BBS12: variants seen among roughly 807,000 people sequenced by gnomAD.
The protein encoded by BBS12 is chaperonin-containing T-complex member BBS12.
A neutral mutation model predicts 5.6 loss-of-function variants in BBS12; 5 were observed. The observed-to-expected ratio is 0.89, with a 90% CI of 0.46 to 1.86. The LOEUF (loss-of-function observed/expected upper bound fraction) is 1.86. Among genes scored for constraint, BBS12 ranks in the 40% most tolerant of loss-of-function variants. The pLI is 0.01. For synonymous variants in BBS12, 308 were observed against 306.8 expected (o/e 1.00, Z -0.04); for missense variants, 748 against 830.4 (o/e 0.90, Z 1.22).
chr4:122,720,443 T>G, the BBS12 span, among the ~76,000 whole-genome samples: 2 of 152,130 alleles, frequency 1.3e-5, no homozygotes, highest in African/African-American at 2.4e-5. Context: ...AGAGCGAGAC[T>G]CTATCTCAAA....
upstream of BBS12, chr4:122,728,963 C>T (rs1441143842): frequency 1.3e-5 from 2 of 152,216 alleles, no homozygotes; most frequent in African/African-American, 4.8e-5. Context: ...GTTTCAAAGT[C>T]GCCAAGGAAA....
chr4:122,728,329 TAC>T (rs1213581382), upstream of BBS12, among the ~76,000 whole-genome samples: 2 of 152,216 alleles, frequency 1.3e-5, no homozygotes, highest in Non-Finnish European at 2.9e-5. Context: ...TGGAATATTA[TAC>T]AGATATTTTA....
At chr4:122,738,128 A>G (rs1034055376) in intron 1 of BBS12, among the ~76,000 whole-genome samples, 2 of 152,272 alleles carry the variant, frequency 1.3e-5, no homozygotes, top group Non-Finnish European at 2.9e-5. Context: ...ATTTTTAGAT[A>G]TGGCACAAAT....
chr4:122,728,598 A>C (rs1800656367), upstream of BBS12: 1 of 152,214 alleles, frequency 6.6e-6, no homozygotes, highest in Admixed American at 6.5e-5. Context: ...TTGAAGGCTA[A>C]CATTTTCACA....
the BBS12 span, among the ~76,000 whole-genome samples, chr4:122,710,053 T>C: frequency 2.0e-5 from 3 of 152,226 alleles, no homozygotes; most frequent in African/African-American, 7.2e-5. Context: ...CAGCTTGATA[T>C]ATAAAAGTGC....
the BBS12 span, among the ~76,000 whole-genome samples, chr4:122,719,596 C>T: frequency 8.3e-3 from 1,268 of 152,218 alleles, 16 homozygotes; most frequent in African/African-American, 0.029. Flanking sequence ...AGCTGTAACA[C>T]TCACTGAGAA....
chr4:122,707,669 C>T, the BBS12 span, among the ~76,000 whole-genome samples: 1 of 152,168 alleles, frequency 6.6e-6, no homozygotes, highest in Non-Finnish European at 1.5e-5. Flanking sequence ...AAGCCTCCAC[C>T]CCTAGCCAGG....
chr4:122,742,310 T>C lies in BBS12; in HGVS notation c.418T>C (p.Cys140Arg), dbSNP rs780558566. The C allele has an allele frequency of 1.2e-6, 2 of 1,614,112 alleles. No homozygotes were observed. The highest frequency in any genetic ancestry group is 1.7e-6 in the Non-Finnish European group (2 of 1,180,016). ...TGTACCTGTTCACAATATATTTGAC[T>C]GTATGGACAGCACAAAAACATTTTC... ...LHVPVHNIFD[C>R]MDSTKTFSQL... The change falls in exon 2 of 2, where the codon TGT becomes CGT. Residue 140 changes from cysteine to arginine, a missense_variant. Cys to Arg is a radical substitution (Grantham distance 180). Coordinates refer to ENST00000314218, the MANE Select transcript of BBS12 (RefSeq NM_152618.3).
At chr4:122,729,446 T>C (rs1249868797), upstream of BBS12, 1 of 152,196 alleles carries the variant, frequency 6.6e-6, no homozygotes, top group Non-Finnish European at 1.5e-5. Context: ...GAAAATGAGT[T>C]AGAAAATACA....
At position 122,741,842 on chromosome 4, in the gene BBS12, A is replaced by T. The variant is rs309368; in HGVS notation, c.-10-41A>T. ...TTCTATATAGCATTTATAACTATGA[A>T]TTATACTGAATAAAGTTACAAGTTT... On this transcript the variant is annotated intron_variant, in intron 1 of 1. Transcript: ENST00000314218. The T allele has an allele frequency of 0.21, 323,280 of 1,517,818 alleles. 36,947 individuals carry two copies. The highest frequency in any genetic ancestry group is 0.23 in the Non-Finnish European group (257,770 of 1,098,226). 94.0% of individuals were successfully genotyped at this position (1,517,818 alleles called of 1,614,324 possible).
Position 122,744,511 on chromosome 4 carries a change from G to T in BBS12, c.*486G>T. ...TAGTGTAAACACAAGCCTAGGACATGGACTAGGTAAAGACAAAGTCCTTGC... is the reference window on the plus strand; with the variant it reads ...TAGTGTAAACACAAGCCTAGGACATTGACTAGGTAAAGACAAAGTCCTTGC... On this transcript the variant is annotated 3_prime_UTR_variant, in exon 2 of 2. Transcript: ENST00000314218. 5.8e-6 allele frequency: 1 copy of T among 172,840 alleles called. No individual in the cohort carries two copies. Among genetic ancestry groups the T allele is most frequent in the Non-Finnish European group, 1.4e-5 (1 of 72,098 alleles). 10.7% of individuals were successfully genotyped at this position (172,840 alleles called of 1,614,324 possible). A position where few individuals can be genotyped will look rare whatever the true frequency, so the allele number is the denominator to read the frequency against.
the BBS12 span, among the ~76,000 whole-genome samples, chr4:122,707,204 C>G: frequency 1.3e-5 from 2 of 151,896 alleles, no homozygotes; most frequent in African/African-American, 4.8e-5. Flanking sequence ...CATGTAGTCT[C>G]CCTGTTTATC....
the BBS12 span, among the ~76,000 whole-genome samples, chr4:122,727,531 C>T: frequency 7.7e-6 from 1 of 130,120 alleles, no homozygotes; most frequent in African/African-American, 3.0e-5. Flanking sequence ...GCATGAGCCA[C>T]CGCCCCTGGC....
In BBS12 at chr4:122,734,159, C is replaced by T. The variant is rs547918048; in HGVS notation, c.-11+1275C>T. 3 of 152,188 alleles carry T rather than the reference C, an allele frequency of 2.0e-5. No homozygotes were observed. The South Asian group carries it at 6.2e-4, about 32-fold the overall frequency. 9.4% of individuals were successfully genotyped at this position (152,188 alleles called of 1,614,324 possible). A position where few individuals can be genotyped will look rare whatever the true frequency, so the allele number is the denominator to read the frequency against. On this transcript the variant is annotated intron_variant, in intron 1 of 1. Transcript: ENST00000314218. Reference sequence around the variant, plus strand: ...TTACCCAGTGAAAATTAAAATGGCACAAATCCAAGATAATTTTTGAGTTAA... The same window carrying T: ...TTACCCAGTGAAAATTAAAATGGCATAAATCCAAGATAATTTTTGAGTTAA...
chr4:122,727,571 A>C, the BBS12 span, among the ~76,000 whole-genome samples: 3 of 33,398 alleles, frequency 9.0e-5, no homozygotes, highest in Non-Finnish European at 1.3e-4. Flanking sequence ...TTTTTTTGAG[A>C]TGGAGTCTCA....
the BBS12 span, among the ~76,000 whole-genome samples, chr4:122,710,121 C>T: frequency 6.6e-6 from 1 of 152,192 alleles, no homozygotes. Flanking sequence ...TAAATCTTTT[C>T]ATGGATATTA....
At chr4:122,719,388 C>A in the BBS12 span, among the ~76,000 whole-genome samples, 3 of 152,156 alleles carry the variant, frequency 2.0e-5, no homozygotes, top group Non-Finnish European at 4.4e-5. Context: ...CAGCAACCCA[C>A]TCGGGTCGGC....
At chr4:122,716,654 TATGCAC>T in the BBS12 span, among the ~76,000 whole-genome samples, 5 of 78,038 alleles carry the variant, frequency 6.4e-5, no homozygotes, top group Admixed American at 2.6e-4. Flanking sequence ...CGTGTGTGTA[TATGCAC>T]ATACACATAT....
At chr4:122,728,860 C>T (rs2150729463), upstream of BBS12, 1 of 152,336 alleles carries the variant, frequency 6.6e-6, no homozygotes, top group Non-Finnish European at 1.5e-5. Context: ...CCAAAGACAA[C>T]TTGGTTATCA....
Sources: gnomAD v4.1 joint callset for allele counts (sites outside exome capture counted in the v4.1 genomes callset) on GRCh38, gnomAD v4.1.1 for gene constraint, MANE v1.5 for transcripts, NCBI Gene and HGNC (gene_info 2026-07-23, HGNC 2026-07-21) for gene names.